Variants in TAF1B observed in about 807,000 individuals in gnomAD.
The protein encoded by TAF1B is TATA-box binding protein associated factor, RNA polymerase I subunit B, also known as TATA box-binding protein-associated factor RNA polymerase I subunit B.
In TAF1B, 61 loss-of-function variants were observed where a neutral mutation model predicts 83.9. That is an observed-to-expected ratio of 0.73 (90% CI 0.59 to 0.90). The LOEUF (loss-of-function observed/expected upper bound fraction) is 0.90. Among genes scored for constraint, TAF1B ranks in the 40% least tolerant of loss-of-function variants. The pLI, the probability that TAF1B is intolerant of heterozygous loss-of-function variation, is 0.00. For missense variants in TAF1B, 625 were observed against 677.0 expected (o/e 0.92, Z 0.85); for synonymous variants, 221 against 224.6 (o/e 0.98, Z 0.14).
In TAF1B at chr2:9,933,808, G is replaced by A; in HGVS notation, c.1591G>A (p.Glu531Lys). 1 of 1,613,210 alleles carries A rather than the reference G, an allele frequency of 6.2e-7. No individual in the cohort carries two copies. The highest frequency in any genetic ancestry group is 8.5e-7 in the Non-Finnish European group (1 of 1,179,668). Residue 531 changes from glutamate to lysine, a missense_variant, in exon 15 of 15, where the codon GAA becomes AAA. Glu to Lys is a moderately conservative substitution (Grantham distance 56). Transcript: ENST00000263663. ...CTATTGTACACATGTGACAACCTAT[G>A]AAGAATCAAATTATTCTCTGAGTTA... is the stretch of plus-strand genomic sequence containing the variant. ...RCYCTHVTTYEESNYSLSYQF... is the reference protein window; with the variant it reads ...RCYCTHVTTYKESNYSLSYQF...
chr2:9,843,702 C>G, intron 1 of TAF1B, 143 bp downstream of exon 1: 1 of 970,486 alleles, frequency 1.0e-6, no homozygotes, highest in Admixed American at 3.4e-5. Flanking sequence ...GCAGGGCGGG[C>G]TAAGGACTGG....
intron 14 of TAF1B, among the ~76,000 whole-genome samples, chr2:9,931,883 C>G (rs1182572150): frequency 6.6e-6 from 1 of 152,120 alleles, no homozygotes; most frequent in Non-Finnish European, 1.5e-5. Context: ...ACTTTTTTCT[C>G]TAAACTTCTC....
chr2:9,909,732 T>C (rs1228026152), intron 9 of TAF1B, among the ~76,000 whole-genome samples: 1 of 152,202 alleles, frequency 6.6e-6, no homozygotes, highest in Non-Finnish European at 1.5e-5. Context: ...TTCATTAATT[T>C]AGTCTTCACA....
At chr2:9,868,630 C>T in intron 6 of TAF1B, 1 of 781,378 alleles carries the variant, frequency 1.3e-6, no homozygotes, top group Non-Finnish European at 2.2e-6. Flanking sequence ...GGCACATTGT[C>T]TCCATGTGAG....
chr2:9,892,589 A>G (rs996469035), intron 8 of TAF1B, among the ~76,000 whole-genome samples: 1 of 152,112 alleles, frequency 6.6e-6, no homozygotes, highest in South Asian at 2.1e-4. Context: ...AGGTTCACCC[A>G]TGGTGTCGCA....
At chr2:9,860,841 A>G (rs1036328874) in intron 5 of TAF1B, among the ~76,000 whole-genome samples, 1 of 152,228 alleles carries the variant, frequency 6.6e-6, no homozygotes, top group Admixed American at 6.5e-5. Context: ...TATAAGGTAG[A>G]CTGAGAGGAG....
intron 4 of TAF1B, 95 bp downstream of exon 4, chr2:9,851,733 C>T: frequency 1.0e-6 from 1 of 971,566 alleles, no homozygotes; most frequent in Non-Finnish European, 1.6e-6. Context: ...AGTAGTAACA[C>T]TAGGGCTACT....
intron 14 of TAF1B, 121 bp downstream of exon 14, chr2:9,919,941 C>T (rs775962089): frequency 4.4e-6 from 4 of 909,294 alleles, no homozygotes; most frequent in Non-Finnish European, 6.7e-6. Context: ...CAGAATTATA[C>T]ATTGAGTCTT....
At chr2:9,849,341 C>CT in intron 2 of TAF1B, 32 bp from the exon 3 acceptor site, 1 of 1,525,252 alleles carries the variant, frequency 6.6e-7, no homozygotes, top group Non-Finnish European at 8.9e-7. Flanking sequence ...GTAAAACGAT[C>CT]TTTTTTAATG....
intron 9 of TAF1B, among the ~76,000 whole-genome samples, chr2:9,909,069 C>T (rs1051223194): frequency 2.6e-5 from 4 of 152,178 alleles, no homozygotes; most frequent in African/African-American, 9.7e-5. Context: ...TATATGTGTT[C>T]TGTTTCTATG....
At chr2:9,870,513 C>G (rs566954425) in intron 6 of TAF1B, among the ~76,000 whole-genome samples, 1 of 152,116 alleles carries the variant, frequency 6.6e-6, no homozygotes, top group Non-Finnish European at 1.5e-5. Context: ...TGTAGTCTAC[C>G]TTCAGCTAAT....
intron 14 of TAF1B, among the ~76,000 whole-genome samples, chr2:9,922,894 A>G (rs952551338): frequency 3.9e-5 from 6 of 152,226 alleles, no homozygotes; most frequent in Non-Finnish European, 7.3e-5. Context: ...TAAGTACTCA[A>G]TCAAACATAA....
At chr2:9,889,385 C>A (rs778383098) in intron 8 of TAF1B, among the ~76,000 whole-genome samples, 1 of 152,054 alleles carries the variant, frequency 6.6e-6, no homozygotes, top group Non-Finnish European at 1.5e-5. Flanking sequence ...TGTCATTAAA[C>A]CCATTCAATG....
intron 5 of TAF1B, among the ~76,000 whole-genome samples, chr2:9,861,839 C>T (rs1663777015): frequency 6.6e-6 from 1 of 152,210 alleles, no homozygotes; most frequent in Non-Finnish European, 1.5e-5. Context: ...CAAACAGGGT[C>T]TGGAGTGGAC....
intron 11 of TAF1B, 47 bp from the exon 12 acceptor site, chr2:9,913,112 A>T: frequency 6.9e-7 from 1 of 1,452,350 alleles, no homozygotes. Context: ...GTATATTATT[A>T]TAGTGTGGTT....
chr2:9,859,386 A>ATTT (rs34951709), intron 5 of TAF1B, among the ~76,000 whole-genome samples: 21,419 of 133,234 alleles, frequency 0.16, 2,224 homozygotes, highest in South Asian at 0.23. Flanking sequence ...CACTATCAGC[A>ATTT]TTTTTTTTTT....
chr2:9,920,957 T>G lies in TAF1B; in HGVS notation c.1565+1137T>G, dbSNP rs75348201. ...GACACAGGCTTTTGACTTCATCAGG[T>G]TTAATTAATGATCGGCTCTGTGGCA... On this transcript the variant is annotated intron_variant, in intron 14 of 14. Transcript: ENST00000263663. Among the ~76,000 whole-genome samples, 845 of 152,314 alleles carry G rather than the reference T, an allele frequency of 5.5e-3. 13 individuals carry two copies. The highest frequency in any genetic ancestry group is 0.019 in the African/African-American group (792 of 41,554).
intron 14 of TAF1B, among the ~76,000 whole-genome samples, chr2:9,929,181 C>T (rs1280593638): frequency 3.7e-5 from 4 of 108,548 alleles, no homozygotes; most frequent in South Asian, 6.1e-4. Context: ...TGTTTAGAGA[C>T]GGAGTCTCGC....
chr2:9,921,067 A>G (rs570203623), intron 14 of TAF1B, among the ~76,000 whole-genome samples: 20 of 152,284 alleles, frequency 1.3e-4, no homozygotes, highest in African/African-American at 4.3e-4. Context: ...TATTCCCTAT[A>G]AACGGTCGAT....
Sources: gnomAD v4.1 joint callset for allele counts (sites outside exome capture counted in the v4.1 genomes callset) on GRCh38, gnomAD v4.1.1 for gene constraint, MANE v1.5 for transcripts, NCBI Gene and HGNC (gene_info 2026-07-23, HGNC 2026-07-21) for gene names.